Variants in PDE4A observed in about 807,000 individuals in gnomAD.
PDE4A encodes 3',5'-cyclic-AMP phosphodiesterase 4A.
Under a neutral mutation model 73.9 loss-of-function variants are expected in PDE4A, and 21 were observed. The observed-to-expected ratio is 0.28, with a 90% CI of 0.20 to 0.41. The LOEUF is 0.41. PDE4A is among the 10% of genes least tolerant of loss of function. The pLI is 1.00. For missense variants in PDE4A, 958 were observed against 1,211.4 expected (o/e 0.79, Z 3.10); for synonymous variants, 463 against 505.4 (o/e 0.92, Z 1.13).
rs2043209403 is a variant in PDE4A at position 10,458,671 on chromosome 19, T to A, written c.1101+569T>A. On this transcript the variant is annotated intron_variant, in intron 8 of 14. Transcript: ENST00000380702. This position sits in a 1 kb window ranked among gnomAD's most constrained non-coding sequence, Gnocchi z 4.6. ...ACTCGCTCTGTTGCCCAGGTTGGAG[T>A]GCAGTAGTGTGATCTCGGCTCAAGG... Among the ~76,000 whole-genome samples, 1 of 152,110 alleles carries A rather than the reference T, an allele frequency of 6.6e-6. No individual in the cohort carries two copies. The highest frequency in any genetic ancestry group is 6.6e-5 in the Admixed American group (1 of 15,250).
In PDE4A at chr19:10,453,024, AC is replaced by A. The variant is rs574372720; in HGVS notation, c.784-1802del. ...TGGGCACGGACCCCCCACCGCCTCCACCCACTGCCGCGGGGGGGCCCGTTGG... is the reference window on the plus strand; with the variant it reads ...TGGGCACGGACCCCCCACCGCCTCCACCACTGCCGCGGGGGGGCCCGTTGG... On this transcript the variant is annotated intron_variant, in intron 6 of 14. Coordinates refer to ENST00000380702, the MANE Select transcript of PDE4A (RefSeq NM_001111307.2). This position sits in a 1 kb window ranked among gnomAD's most constrained non-coding sequence, Gnocchi z 4.6. The A allele has an allele frequency of 5.3e-6, 7 of 1,325,020 alleles. No homozygotes were observed. The South Asian group carries it at 1.1e-4, about 21-fold the overall frequency. The allele number at this position is 1,325,020 out of a possible 1,614,324, so 82.1% of individuals were successfully genotyped here. A position where few individuals can be genotyped will look rare whatever the true frequency, so the allele number is the denominator to read the frequency against.
At chr19:10,417,644 C>G (rs754273361), upstream of PDE4A, 22 of 1,583,076 alleles carry the variant, frequency 1.4e-5, no homozygotes, top group Non-Finnish European at 1.9e-5. Flanking sequence ...CCCTATTCCA[C>G]TTTGTCCCTC....
intron 1 of PDE4A, among the ~76,000 whole-genome samples, chr19:10,421,802 A>C (rs2042655233): frequency 6.6e-6 from 1 of 152,114 alleles, no homozygotes; most frequent in Non-Finnish European, 1.5e-5. Flanking sequence ...GTGAGGGTGC[A>C]TGTGTGTTGA....
intron 1 of PDE4A, among the ~76,000 whole-genome samples, chr19:10,441,706 T>TTTTTTTGTTTG: frequency 6.7e-6 from 1 of 148,540 alleles, no homozygotes; most frequent in East Asian, 2.0e-4. Context: ...TTTTTTTTTT[T>TTTTTTTGTTTG]TGAGATGGAG....
chr19:10,420,063 C>A (rs1236454319), upstream of PDE4A: 1 of 152,424 alleles, frequency 6.6e-6, no homozygotes, highest in Non-Finnish European at 1.5e-5. The surrounding 1 kb of genome is among the most constrained non-coding windows in gnomAD (Gnocchi z 6.0). Context: ...TATCCTCCGA[C>A]GCACAGACAG....
intron 1 of PDE4A, among the ~76,000 whole-genome samples, chr19:10,434,180 C>CCTTTCTTT (rs2042833252): frequency 7.2e-6 from 1 of 139,086 alleles, no homozygotes; most frequent in Non-Finnish European, 1.6e-5. Flanking sequence ...TTTCTTTCTT[C>CCTTTCTTT]CTTTCCTTCT....
rs186198714 is a variant in PDE4A at position 10,430,523 on chromosome 19, C to T, written c.320+9439C>T. Among the ~76,000 whole-genome samples the T allele has an allele frequency of 1.1e-3, 172 of 152,088 alleles. 1 individual carries two copies. The highest frequency in any genetic ancestry group is 4.1e-3 in the African/African-American group (171 of 41,478). The stretch of plus-strand genomic sequence containing the variant: ...GGCTCCTGGGGCTTGTGGGGCCTGT[C>T]AACACCACGGGGAGTTTGCAGGAGT... On this transcript the variant is annotated intron_variant, in intron 1 of 14. Coordinates refer to ENST00000380702, the MANE Select transcript of PDE4A (RefSeq NM_001111307.2).
At chr19:10,419,227 G>C (rs55846024), upstream of PDE4A, 1 of 75,824 alleles carries the variant, frequency 1.3e-5, no homozygotes, top group Non-Finnish European at 1.8e-5. Flanking sequence ...TTATCGGCGT[G>C]GGGGGGGGGG....
Position 10,461,721 on chromosome 19 carries a change from TAGGAGTCG to T in PDE4A, c.1620+45_1620+52del, listed in dbSNP as rs750241032. 3.1e-6 allele frequency: 5 copies of T among 1,608,040 alleles called. No individual in the cohort carries two copies. The East Asian group carries it at 1.1e-4, about 36-fold the overall frequency. On this transcript the variant is annotated intron_variant, in intron 12 of 14. Transcript: ENST00000380702. ...GCGGGACGGAGCGGGAAAGGAAGCC[TAGGAGTCG>T]AGGGCTTTGGGGAGGAGTGGGTCTG... is the stretch of plus-strand genomic sequence containing the variant.
Position 10,446,202 on chromosome 19 carries a change from C to A in PDE4A, c.321-16C>A. Reference sequence around the variant, plus strand: ...GTTTCAGCCTCCTGACCCCTCTTCTCGCCCATCCCCTGCAGCTTCGAGGCA... The same window carrying A: ...GTTTCAGCCTCCTGACCCCTCTTCTAGCCCATCCCCTGCAGCTTCGAGGCA... On this transcript the variant is annotated splice_polypyrimidine_tract_variant and intron_variant, in intron 1 of 14. Transcript: ENST00000380702. 6.4e-7 allele frequency: 1 copy of A among 1,552,702 alleles called. No homozygotes were observed. The highest frequency in any genetic ancestry group is 2.4e-5 in the East Asian group (1 of 41,166).
At chr19:10,463,757 C>A (rs781475727) in intron 13 of PDE4A, 36 bp from the exon 14 acceptor site, 10 of 1,611,268 alleles carry the variant, frequency 6.2e-6, no homozygotes, top group East Asian at 2.2e-5. Context: ...ACAGGCATAG[C>A]CTCTGAAGTT....
chr19:10,417,549 T>TATA, upstream of PDE4A: 2 of 1,449,256 alleles, frequency 1.4e-6, no homozygotes, highest in Admixed American at 5.0e-5. Context: ...AAGGGGAGCC[T>TATA]ATACCGCCAT....
intron 1 of PDE4A, among the ~76,000 whole-genome samples, chr19:10,422,190 G>A (rs2042659844): frequency 6.6e-6 from 1 of 152,158 alleles, no homozygotes; most frequent in Non-Finnish European, 1.5e-5. Flanking sequence ...TTGTGACAGT[G>A]TCATTTCTGG....
At chr19:10,417,090 A>G, upstream of PDE4A, 1 of 1,474,314 alleles carries the variant, frequency 6.8e-7, no homozygotes, top group Non-Finnish European at 9.0e-7. Flanking sequence ...TGGCTTCACT[A>G]CCTCCAAGCT....
chr19:10,443,691 C>T (rs930966581), intron 1 of PDE4A, among the ~76,000 whole-genome samples: 5 of 151,788 alleles, frequency 3.3e-5, no homozygotes, highest in Admixed American at 3.3e-4. Flanking sequence ...CCAGCCTGGG[C>T]GATAGAGCGA....
At chr19:10,463,631 G>C in intron 13 of PDE4A, 162 bp from the exon 14 acceptor site, 2 of 844,832 alleles carry the variant, frequency 2.4e-6, no homozygotes, top group Non-Finnish European at 1.4e-6. Flanking sequence ...TTGAACTCCT[G>C]ACCTCATGAT....
In PDE4A at chr19:10,459,623, T is replaced by C. The variant is rs2043228456; in HGVS notation, c.1229T>C (p.Ile410Thr). The C allele has an allele frequency of 2.5e-6, 4 of 1,614,064 alleles. No individual in the cohort carries two copies. The highest frequency in any genetic ancestry group is 3.4e-6 in the Non-Finnish European group (4 of 1,180,024). Reference sequence around the variant, plus strand: ...CGGGACCTGCTGAAGAAATTCCGCATCCCTGTGGACACGATGGTGACATAC... The same window carrying C: ...CGGGACCTGCTGAAGAAATTCCGCACCCCTGTGGACACGATGGTGACATAC... ...QERDLLKKFR[I>T]PVDTMVTYML... is the part of the protein sequence containing the mutation. Residue 410 changes from isoleucine (I) to threonine (T), a missense_variant, in exon 10 of 15, where the codon ATC becomes ACC. Physicochemically the swap from Ile to Thr is moderately conservative, Grantham distance 89 (BLOSUM62 -1). Coordinates refer to ENST00000380702, the MANE Select transcript of PDE4A (RefSeq NM_001111307.2).
rs139511412 is a variant in PDE4A, at chr19:10,465,269, G to C, written c.1926+1294G>C. Among the ~76,000 whole-genome samples, 1,079 of 150,638 alleles carry C rather than the reference G, an allele frequency of 7.2e-3. 13 individuals are homozygous for C. The highest frequency in any genetic ancestry group is 0.024 in the African/African-American group (1,000 of 40,986). On this transcript the variant is annotated intron_variant, in intron 14 of 14. Transcript: ENST00000380702. ...GAGTTTCCTTCTTGTCACCCAGGCT[G>C]GAGTACAGTGGTGCAGTCTCAGCTC... is the stretch of plus-strand genomic sequence containing the variant.
At chr19:10,438,913 G>A (rs2145496496) in intron 1 of PDE4A, among the ~76,000 whole-genome samples, 1 of 152,298 alleles carries the variant, frequency 6.6e-6, no homozygotes, top group East Asian at 1.9e-4. Context: ...CATCCATGTT[G>A]TAGCCTGTGT....
Sources: allele counts gnomAD v4.1 joint callset (sites outside exome capture counted in the v4.1 genomes callset), GRCh38; gene constraint gnomAD v4.1.1; non-coding constraint Gnocchi (gnomAD v3.1); transcripts MANE v1.5; gene names NCBI Gene and HGNC (gene_info 2026-07-23, HGNC 2026-07-21).